Variants in FRMD6 observed in about 807,000 individuals in gnomAD.
FRMD6 encodes the protein FERM domain-containing protein 6.
In FRMD6, 37 loss-of-function variants were observed where a neutral mutation model predicts 73.2. That is an observed-to-expected ratio of 0.51 (90% confidence interval 0.39 to 0.66). The LOEUF (loss-of-function observed/expected upper bound fraction) is 0.66. Among genes scored for constraint, FRMD6 ranks in the 30% least tolerant of loss-of-function variants. FRMD6 has a pLI of 0.00. For missense variants in FRMD6, 714 were observed against 780.5 expected, an observed-to-expected ratio of 0.91 and a Z score of 1.02; for synonymous variants, 273 against 282.2, an observed-to-expected ratio of 0.97 and a Z score of 0.33.
At chr14:51,711,469 T>A (rs953280038) in intron 7 of FRMD6, 62 bp from the exon 8 acceptor site, 40 of 1,085,396 alleles carry the variant, frequency 3.7e-5, no homozygotes, top group Middle Eastern at 4.6e-4. Context: ...TGGTGCTAAA[T>A]TGTCCACTGT....
At chr14:51,472,638 T>G in the FRMD6 span, among the ~76,000 whole-genome samples, 4 of 152,276 alleles carry the variant, frequency 2.6e-5, no homozygotes, top group Non-Finnish European at 5.9e-5. Context: ...AGAGAAAGAC[T>G]TATTCAAGGA....
At chr14:51,581,318 C>T (rs1888711741) in intron 2 of FRMD6, among the ~76,000 whole-genome samples, 1 of 152,174 alleles carries the variant, frequency 6.6e-6, no homozygotes, top group Non-Finnish European at 1.5e-5. Context: ...TACATTCATT[C>T]AACAAACATT....
the FRMD6 span, chr14:51,435,941 A>G: frequency 1.3e-5 from 2 of 157,314 alleles, no homozygotes; most frequent in Non-Finnish European, 2.8e-5. Flanking sequence ...GATTATTCAT[A>G]TTAAGAAAAT....
intron 1 of FRMD6, among the ~76,000 whole-genome samples, chr14:51,549,688 C>G (rs201325182): frequency 2.1e-5 from 2 of 94,834 alleles, no homozygotes; most frequent in Non-Finnish European, 4.7e-5. Context: ...CTCCGCCCCC[C>G]AGGTTCACGC....
rs563027023 is a variant in FRMD6, at chr14:51,670,937, G to A, written c.-146-18754G>A. ...GGTGGGATTACAGGCGTGGGCCACC[G>A]TGCCCGGCGGTTTGTATGTTTTATC... is the stretch of plus-strand genomic sequence containing the variant. On this transcript the variant is annotated intron_variant, in intron 1 of 13. Coordinates refer to ENST00000344768, the MANE Select transcript of FRMD6 (RefSeq NM_001267046.2). Among the ~76,000 whole-genome samples the A allele has an allele frequency of 2.2e-4, 34 of 152,306 alleles. 1 individual carries two copies. The East Asian group carries it at 5.2e-3, about 23-fold the overall frequency.
intron 1 of FRMD6, among the ~76,000 whole-genome samples, chr14:51,555,335 C>G (rs921972616): frequency 6.6e-6 from 1 of 152,182 alleles, no homozygotes; most frequent in Non-Finnish European, 1.5e-5. Context: ...CTCAGTTTGT[C>G]TGTACCAAAT....
intron 2 of FRMD6, among the ~76,000 whole-genome samples, chr14:51,616,953 A>G (rs1307493825): frequency 1.3e-5 from 2 of 152,192 alleles, no homozygotes; most frequent in Admixed American, 6.5e-5. Context: ...TGCATTTTAT[A>G]CACTTCCCTT....
intron 1 of FRMD6, among the ~76,000 whole-genome samples, chr14:51,502,430 T>TC (rs1317208522): frequency 3.9e-5 from 6 of 152,232 alleles, no homozygotes; most frequent in South Asian, 2.1e-4. Context: ...TAGCCAGCTC[T>TC]CCCAGCACCA....
At chr14:51,398,866 C>A in the FRMD6 span, among the ~76,000 whole-genome samples, 5 of 152,136 alleles carry the variant, frequency 3.3e-5, no homozygotes, top group Non-Finnish European at 7.4e-5. Flanking sequence ...GTGCCCCAAA[C>A]CTAGATCTGC....
At chr14:51,695,903 A>G (rs1048215924) in intron 2 of FRMD6, among the ~76,000 whole-genome samples, 11 of 152,174 alleles carry the variant, frequency 7.2e-5, no homozygotes, top group Non-Finnish European at 1.6e-4. Flanking sequence ...TTTACTTTCA[A>G]ATTTCAAGGG....
At chr14:51,718,755 C>G (rs1897371398) in intron 10 of FRMD6, among the ~76,000 whole-genome samples, 1 of 152,168 alleles carries the variant, frequency 6.6e-6, no homozygotes, top group Non-Finnish European at 1.5e-5. Context: ...CAGCCAGTTC[C>G]TTAGAACAAT....
intron 8 of FRMD6, 83 bp downstream of exon 8, chr14:51,711,679 G>C (rs903461383): frequency 3.9e-5 from 39 of 996,632 alleles, no homozygotes; most frequent in Middle Eastern, 4.2e-4. Context: ...CACAGGTTCA[G>C]TAGTTCATTT....
rs572415447 is a variant in FRMD6, at chr14:51,615,406, C to A, written c.-147+44996C>A. Among the ~76,000 whole-genome samples, 6 of 152,216 alleles carry A rather than the reference C, an allele frequency of 3.9e-5. No individual in the cohort carries two copies. In the South Asian group the frequency reaches 1.2e-3, roughly 32 times the overall value. On this transcript the variant is annotated intron_variant, in intron 2 of 14. Transcript: ENST00000356218. ...CATGTATTAGATTTGTTTATAAATTCATCCTAAGCAAGTAAACATGACATT... is the reference window on the plus strand; with the variant it reads ...CATGTATTAGATTTGTTTATAAATTAATCCTAAGCAAGTAAACATGACATT...
intron 5 of FRMD6, chr14:51,704,532 T>C (rs1188786819): frequency 3.4e-5 from 17 of 503,940 alleles, no homozygotes; most frequent in Non-Finnish European, 4.9e-5. Context: ...TTATTTTTAT[T>C]GTCTGGATAG....
At chr14:51,419,924 G>T in the FRMD6 span, among the ~76,000 whole-genome samples, 552 of 125,088 alleles carry the variant, frequency 4.4e-3, 2 homozygotes, top group East Asian at 8.6e-3. Flanking sequence ...TGTGGTCATG[G>T]GACTTCCTGC....
chr14:51,462,451 T>G, the FRMD6 span, among the ~76,000 whole-genome samples: 4 of 152,222 alleles, frequency 2.6e-5, no homozygotes, highest in African/African-American at 9.6e-5. Flanking sequence ...TTGAACTGGC[T>G]CCTGGTGTAG....
At chr14:51,417,268 C>A in the FRMD6 span, among the ~76,000 whole-genome samples, 1,969 of 152,252 alleles carry the variant, frequency 0.013, 41 homozygotes, top group African/African-American at 0.045. Flanking sequence ...TACAATTTGG[C>A]ATGTTTTTGC....
At chr14:51,702,693 G>A (rs565505948) in intron 5 of FRMD6, 105 bp downstream of exon 5, 200 of 906,938 alleles carry the variant, frequency 2.2e-4, no homozygotes, top group Non-Finnish European at 3.1e-4. Context: ...TCACCTTTAG[G>A]ATATAAACTC....
chr14:51,580,127 C>CGTGTGT (rs3060586), intron 2 of FRMD6, among the ~76,000 whole-genome samples: 6 of 149,734 alleles, frequency 4.0e-5, no homozygotes, highest in South Asian at 2.1e-4. Flanking sequence ...TTGTGTGCAC[C>CGTGTGT]GTGTGTGTGT....
Sources: allele counts gnomAD v4.1 joint callset (sites outside exome capture counted in the v4.1 genomes callset), GRCh38; gene constraint gnomAD v4.1.1; transcripts MANE v1.5; gene names NCBI Gene and HGNC (gene_info 2026-07-23, HGNC 2026-07-21).